Variants in SNTG1 observed in about 807,000 individuals in gnomAD.
SNTG1 encodes syntrophin gamma 1.
SNTG1 carries 39 observed loss-of-function variants against 74.7 expected under a neutral mutation model. The ratio of observed to expected loss-of-function variants is 0.52; its 90% CI spans 0.40 to 0.68. The LOEUF is 0.68. Ranked by LOEUF, SNTG1 falls within the 30% of genes least tolerant of loss-of-function variation. The probability of loss-of-function intolerance (pLI) is 0.00; values close to 1 mark genes in which losing one functional copy is unlikely to be tolerated. For missense variants in SNTG1, 685 were observed against 609.5 expected (o/e 1.12, Z -1.30); for synonymous variants, 254 against 217.1 (o/e 1.17, Z -1.49).
At chr8:49,928,640 C>A (rs1053771519) in intron 1 of SNTG1, among the ~76,000 whole-genome samples, 1 of 152,020 alleles carries the variant, frequency 6.6e-6, no homozygotes, top group African/African-American at 2.4e-5. Context: ...GAACTCTCTG[C>A]ACATTTTGCC....
At chr8:50,783,127 G>T (rs534472199) in intron 18 of SNTG1, among the ~76,000 whole-genome samples, 2 of 152,158 alleles carry the variant, frequency 1.3e-5, no homozygotes, top group African/African-American at 2.4e-5. Context: ...TCCCAGTTAG[G>T]CTGCTCGGGG....
chr8:50,542,797 G>A lies in SNTG1; in HGVS notation c.680+5989G>A, dbSNP rs140943946. ...ATATATAAGCCATTTTAACTGGGGT[G>A]AGATATCTCATTGTAGTTTTGATTT... is the stretch of plus-strand genomic sequence containing the variant. On this transcript the variant is annotated intron_variant, in intron 11 of 18. Coordinates refer to ENST00000642720, the MANE Select transcript of SNTG1 (RefSeq NM_018967.5). 3.0e-3 allele frequency among the ~76,000 whole-genome samples: 459 copies of A among 152,272 alleles called. 4 individuals carry two copies. Among genetic ancestry groups the A allele is most frequent in the African/African-American group, 0.011 (446 of 41,580 alleles).
At chr8:50,599,597 A>T (rs1038809486) in intron 13 of SNTG1, among the ~76,000 whole-genome samples, 4 of 152,008 alleles carry the variant, frequency 2.6e-5, no homozygotes, top group Non-Finnish European at 5.9e-5. Context: ...TGTGACTATT[A>T]CAAATGGGGT....
intron 18 of SNTG1, among the ~76,000 whole-genome samples, chr8:50,777,896 C>T (rs1262045314): frequency 6.6e-6 from 1 of 152,006 alleles, no homozygotes; most frequent in East Asian, 1.9e-4. Context: ...TGTTCCCCTT[C>T]CTGTGTCCAT....
chr8:50,361,720 G>C (rs998467599), intron 2 of SNTG1, among the ~76,000 whole-genome samples: 1 of 151,836 alleles, frequency 6.6e-6, no homozygotes, highest in African/African-American at 2.4e-5. Flanking sequence ...ATAATCTTAC[G>C]GGACCACTTA....
chr8:50,585,373 C>T (rs966184325), intron 12 of SNTG1, among the ~76,000 whole-genome samples: 5 of 152,204 alleles, frequency 3.3e-5, no homozygotes, highest in East Asian at 1.9e-4. Flanking sequence ...TTTTGTGATA[C>T]GGACAGAAAT....
At chr8:50,368,575 C>A (rs1191232156) in intron 2 of SNTG1, among the ~76,000 whole-genome samples, 1 of 152,064 alleles carries the variant, frequency 6.6e-6, no homozygotes, top group Non-Finnish European at 1.5e-5. Flanking sequence ...CCAGGAACAG[C>A]AAATGGATTA....
chr8:50,332,358 T>A (rs1308933373), intron 2 of SNTG1, among the ~76,000 whole-genome samples: 1 of 152,124 alleles, frequency 6.6e-6, no homozygotes, highest in Non-Finnish European at 1.5e-5. Context: ...GGCTTTCCTC[T>A]ACAGTGTGCC....
chr8:50,358,224 C>T (rs1336036137), intron 2 of SNTG1, among the ~76,000 whole-genome samples: 1 of 152,176 alleles, frequency 6.6e-6, no homozygotes, highest in African/African-American at 2.4e-5. Context: ...GGTAAAGAAA[C>T]ATCAAATAGT....
chr8:50,542,195 T>C (rs2094353277), intron 11 of SNTG1, among the ~76,000 whole-genome samples: 1 of 150,372 alleles, frequency 6.7e-6, no homozygotes, highest in Admixed American at 6.7e-5. Flanking sequence ...TCACTCTTGT[T>C]CCCCAAGCTG....
chr8:49,980,880 C>T (rs1812616862), intron 1 of SNTG1, among the ~76,000 whole-genome samples: 2 of 152,050 alleles, frequency 1.3e-5, no homozygotes, highest in Admixed American at 6.6e-5. Context: ...GATTTCTATT[C>T]ATATTTTTCT....
At chr8:50,521,848 C>T (rs752633599) in intron 9 of SNTG1, among the ~76,000 whole-genome samples, 5 of 152,082 alleles carry the variant, frequency 3.3e-5, no homozygotes, top group Non-Finnish European at 5.9e-5. Context: ...AGCTCTACTT[C>T]TGATTGTAAT....
chr8:50,304,894 T>A (rs1354352926), intron 2 of SNTG1, among the ~76,000 whole-genome samples: 1 of 152,078 alleles, frequency 6.6e-6, no homozygotes, highest in African/African-American at 2.4e-5. Flanking sequence ...ACTTTTATTT[T>A]TATTTTTTAT....
At chr8:50,462,152 T>G (rs2093568982) in intron 8 of SNTG1, among the ~76,000 whole-genome samples, 1 of 150,698 alleles carries the variant, frequency 6.6e-6, no homozygotes, top group African/African-American at 2.4e-5. Flanking sequence ...GAAGTCAAAA[T>G]AAAAAATAAA....
intron 2 of SNTG1, among the ~76,000 whole-genome samples, chr8:50,266,984 T>C (rs1233914426): frequency 1.3e-5 from 2 of 152,048 alleles, no homozygotes; most frequent in Non-Finnish European, 2.9e-5. Context: ...AGAACATTTA[T>C]ATTTAAGACA....
chr8:49,995,009 GTTGA>G (rs1814072946), intron 1 of SNTG1, among the ~76,000 whole-genome samples: 2 of 58,080 alleles, frequency 3.4e-5, no homozygotes, highest in African/African-American at 1.1e-4. Flanking sequence ...AAATAAGAAT[GTTGA>G]GTCCAATGGT....
intron 1 of SNTG1, among the ~76,000 whole-genome samples, chr8:49,986,718 CA>C (rs10659343): frequency 0.043 from 5,945 of 138,100 alleles, 386 homozygotes; most frequent in African/African-American, 0.14. Flanking sequence ...ACAAAAAGTA[CA>C]AAAAAAAAAA....
At chr8:50,218,246 A>C (rs111677263) in intron 2 of SNTG1, among the ~76,000 whole-genome samples, 1 of 152,238 alleles carries the variant, frequency 6.6e-6, no homozygotes, top group Non-Finnish European at 1.5e-5. Flanking sequence ...ATGGTTGTAG[A>C]AAATTACACA....
At chr8:50,481,822 A>T (rs899846555) in intron 8 of SNTG1, among the ~76,000 whole-genome samples, 4 of 152,194 alleles carry the variant, frequency 2.6e-5, no homozygotes, top group Admixed American at 2.6e-4. Context: ...ATCAAAAAGA[A>T]CAATGCTTCA....
Sources: allele counts gnomAD v4.1 joint callset (sites outside exome capture counted in the v4.1 genomes callset), GRCh38; gene constraint gnomAD v4.1.1; transcripts MANE v1.5; gene names NCBI Gene and HGNC (gene_info 2026-07-23, HGNC 2026-07-21).